FBRSL1: variants seen among roughly 807,000 people sequenced by gnomAD.
FBRSL1 encodes the protein fibrosin like 1.
In FBRSL1, 51 loss-of-function variants were observed where a neutral mutation model predicts 89.6. The observed-to-expected ratio is 0.57, with a 90% CI of 0.45 to 0.72. FBRSL1 has a LOEUF of 0.72. Ranked by LOEUF, FBRSL1 falls within the 30% of genes least tolerant of loss-of-function variation. The pLI is 0.00. For synonymous variants in FBRSL1, 779 were observed against 681.1 expected (o/e 1.14, Z -2.24); for missense variants, 1,618 against 1,451.8 (o/e 1.11, Z -1.86).
At chr12:132,502,695 A>G (rs2033138335) in intron 1 of FBRSL1, among the ~76,000 whole-genome samples, 1 of 149,602 alleles carries the variant, frequency 6.7e-6, no homozygotes. Context: ...CCCTTACACC[A>G]TCCCCCACCT....
chr12:132,491,474 G>T (rs1378176905), intron 1 of FBRSL1, among the ~76,000 whole-genome samples: 1 of 152,280 alleles, frequency 6.6e-6, no homozygotes, highest in East Asian at 1.9e-4. Flanking sequence ...AATGCTGTCT[G>T]AGAGTTGGGG....
chr12:132,500,506 C>T (rs138101826), intron 1 of FBRSL1, among the ~76,000 whole-genome samples: 2,237 of 152,236 alleles, frequency 0.015, 33 homozygotes, highest in Non-Finnish European at 0.022. Context: ...TAGGGCCAGC[C>T]GGTCCTGCTG....
intron 9 of FBRSL1, chr12:132,571,522 C>G: frequency 6.5e-7 from 1 of 1,532,534 alleles, no homozygotes; most frequent in Non-Finnish European, 8.8e-7. Context: ...CGCACCCCCG[C>G]CGGTGCGTAG....
intron 4 of FBRSL1, among the ~76,000 whole-genome samples, chr12:132,537,597 CAT>C (rs767822453): frequency 9.9e-5 from 15 of 152,180 alleles, no homozygotes; most frequent in Non-Finnish European, 1.5e-4. Flanking sequence ...TAATTCTGCA[CAT>C]GTCTGATGGA....
At chr12:132,496,884 G>A (rs1287928825) in intron 1 of FBRSL1, among the ~76,000 whole-genome samples, 8 of 104,674 alleles carry the variant, frequency 7.6e-5, no homozygotes, top group African/African-American at 1.1e-4. Context: ...GTCCAGCATC[G>A]GGTAGGGGTG....
intron 14 of FBRSL1, among the ~76,000 whole-genome samples, chr12:132,575,872 G>GCT (rs2040351559): frequency 1.3e-5 from 2 of 152,246 alleles, no homozygotes; most frequent in African/African-American, 2.4e-5. Context: ...CCTGAGTGCG[G>GCT]GTCAGAGGCA....
At chr12:132,555,268 G>A (rs1346143383) in intron 5 of FBRSL1, among the ~76,000 whole-genome samples, 1 of 152,136 alleles carries the variant, frequency 6.6e-6, no homozygotes, top group Non-Finnish European at 1.5e-5. Context: ...TCTGGAGGGG[G>A]GTCACGGCTT....
chr12:132,576,889 C>G lies in FBRSL1; in HGVS notation c.1792C>G (p.His598Asp), dbSNP rs985830369. The G allele has an allele frequency of 6.4e-7, 1 of 1,550,476 alleles. No homozygotes were observed. Among genetic ancestry groups the G allele is most frequent in the Admixed American group, 2.0e-5 (1 of 50,904 alleles). The change falls in exon 15 of 19, where the codon CAC becomes GAC. Residue 598 changes from histidine to aspartate, a missense_variant. His to Asp is a moderately conservative substitution (Grantham distance 81, BLOSUM62 -1). Coordinates refer to ENST00000680143, the MANE Select transcript of FBRSL1 (RefSeq NM_001367871.1). ...TGCCCCGGGCGTGTTTGCAGGCTTC[C>G]ACTACCCACAGGACCTGGCCCGGCC... ...PPAPGVFAGF[H>D]YPQDLARPLF... is the part of the protein sequence containing the mutation.
intron 5 of FBRSL1, chr12:132,565,355 C>T (rs1208245181): frequency 6.6e-6 from 1 of 152,218 alleles, no homozygotes; most frequent in African/African-American, 2.4e-5. Flanking sequence ...AACATAGACG[C>T]CGACACGCGG....
Position 132,578,341 on chromosome 12 carries a change from T to TCACACACACACACACACA in FBRSL1, c.1834+1411_1834+1412insACACACACACACACACAC, listed in dbSNP as rs547551851. ...GCCTGGGCAACAGAGCAAGACCCTG[T>TCACACACACACACACACA]CTCACACACACACACACACACACAC... On this transcript the variant is annotated intron_variant, in intron 15 of 18. Transcript: ENST00000680143. 1.2e-3 allele frequency among the ~76,000 whole-genome samples: 35 copies of TCACACACACACACACACA among 28,654 alleles called. No homozygotes were observed. The East Asian group carries it at 0.013, about 11-fold the overall frequency. 18.8% of individuals were successfully genotyped at this position (28,654 alleles called of 152,430 possible). A position where few individuals can be genotyped will look rare whatever the true frequency, so the allele number is the denominator to read the frequency against.
At chr12:132,533,295 C>T (rs1291568480) in intron 4 of FBRSL1, among the ~76,000 whole-genome samples, 2 of 144,700 alleles carry the variant, frequency 1.4e-5, no homozygotes, top group African/African-American at 2.6e-5. Context: ...GACCCAGCCT[C>T]TCCCTGGAGT....
At chr12:132,523,421 A>C (rs566608510) in intron 2 of FBRSL1, among the ~76,000 whole-genome samples, 2 of 151,898 alleles carry the variant, frequency 1.3e-5, no homozygotes, top group South Asian at 4.2e-4. Flanking sequence ...TGGGAGGAGC[A>C]CACGCAGGGC....
chr12:132,555,952 C>T (rs920995964), intron 5 of FBRSL1, among the ~76,000 whole-genome samples: 18 of 152,142 alleles, frequency 1.2e-4, no homozygotes, highest in African/African-American at 4.1e-4. Flanking sequence ...GGAGGCGCTG[C>T]CATCCAGGGC....
rs564593188 is a variant in FBRSL1 at position 132,557,173 on chromosome 12, G to A, written c.645+9141G>A. 1.1e-4 allele frequency among the ~76,000 whole-genome samples: 17 copies of A among 152,310 alleles called. No individual in the cohort carries two copies. The South Asian group carries it at 2.7e-3, about 24-fold the overall frequency. ...ATGGCACCCCCTGGCCACCCGCTGC[G>A]TAACGATGGCAGACGCAGTTACAGT... On this transcript the variant is annotated intron_variant, in intron 5 of 18. Coordinates refer to ENST00000680143, the MANE Select transcript of FBRSL1 (RefSeq NM_001367871.1).
At position 132,565,532 on chromosome 12, in the gene FBRSL1, T is replaced by TATACATACCCGAGTGTGCTCAC. The variant is rs1248376334; in HGVS notation, c.646-1949_646-1948insATACATACCCGAGTGTGCTCAC. The TATACATACCCGAGTGTGCTCAC allele has an allele frequency of 1.0e-3, 154 of 151,514 alleles. 2 individuals are homozygous for TATACATACCCGAGTGTGCTCAC. Among genetic ancestry groups the TATACATACCCGAGTGTGCTCAC allele is most frequent in the Admixed American group, 0.01 (153 of 15,222 alleles). 9.4% of individuals were successfully genotyped at this position (151,514 alleles called of 1,614,324 possible). ...ATGTACACGTACCCGAGTGTGCTCATGTACACGTACCCGAGTGTGCCCATG... is the reference window on the plus strand; with the variant it reads ...ATGTACACGTACCCGAGTGTGCTCATATACATACCCGAGTGTGCTCACGTACACGTACCCGAGTGTGCCCATG... On this transcript the variant is annotated intron_variant, in intron 5 of 18. Coordinates refer to ENST00000680143, the MANE Select transcript of FBRSL1 (RefSeq NM_001367871.1).
intron 4 of FBRSL1, among the ~76,000 whole-genome samples, chr12:132,542,005 G>C (rs1327081474): frequency 6.6e-6 from 1 of 152,028 alleles, no homozygotes; most frequent in African/African-American, 2.4e-5. Context: ...GCCCAGCACA[G>C]GTGGCGCAGG....
At chr12:132,501,760 C>T (rs939811618) in intron 1 of FBRSL1, among the ~76,000 whole-genome samples, 1 of 152,126 alleles carries the variant, frequency 6.6e-6, no homozygotes, top group Non-Finnish European at 1.5e-5. Context: ...GTCCCAGCAG[C>T]GCTGGCCACA....
At chr12:132,541,094 G>A (rs1256783397) in intron 4 of FBRSL1, among the ~76,000 whole-genome samples, 1 of 148,940 alleles carries the variant, frequency 6.7e-6, no homozygotes, top group African/African-American at 2.5e-5. Flanking sequence ...TGTGAGCCTG[G>A]GGGGCACAGC....
intron 5 of FBRSL1, among the ~76,000 whole-genome samples, chr12:132,549,141 C>T (rs1208788532): frequency 1.3e-5 from 2 of 152,138 alleles, no homozygotes; most frequent in African/African-American, 2.4e-5. Context: ...GGTAAGTCGC[C>T]GTGGAAGCCA....
Sources: allele counts gnomAD v4.1 joint callset (sites outside exome capture counted in the v4.1 genomes callset), GRCh38; gene constraint gnomAD v4.1.1; transcripts MANE v1.5; gene names NCBI Gene and HGNC (gene_info 2026-07-23, HGNC 2026-07-21).